AGPAT3: variants seen among roughly 807,000 people sequenced by gnomAD.
AGPAT3 encodes the protein 1-acyl-sn-glycerol-3-phosphate acyltransferase gamma.
Under a neutral mutation model 47.3 loss-of-function variants are expected in AGPAT3, and 5 were observed. That is an observed-to-expected ratio of 0.11 (90% CI 0.06 to 0.22). AGPAT3 has a LOEUF of 0.22. Among genes scored for constraint, AGPAT3 ranks in the 10% least tolerant of loss-of-function variants. AGPAT3 has a pLI of 1.00. For missense variants in AGPAT3, 315 were observed against 493.0 expected (o/e 0.64, Z 3.42); for synonymous variants, 212 against 208.3 (o/e 1.02, Z -0.15).
intron 1 of AGPAT3, among the ~76,000 whole-genome samples, chr21:43,891,537 G>T (rs2086102373): frequency 6.6e-6 from 1 of 151,964 alleles, no homozygotes; most frequent in African/African-American, 2.4e-5. Context: ...AGAGGCTGAG[G>T]AAGGAGAATG....
chr21:43,912,183 G>A (rs1484623343), intron 2 of AGPAT3, among the ~76,000 whole-genome samples: 1 of 152,236 alleles, frequency 6.6e-6, no homozygotes, highest in Non-Finnish European at 1.5e-5. Flanking sequence ...ACGTGGGCCC[G>A]AGCTGGATGG....
rs117033927 is a variant in AGPAT3, at chr21:43,968,122, G to A, written c.348+7G>A. 3,342 of 1,612,728 alleles carry A rather than the reference G, an allele frequency of 2.1e-3. 8 individuals carry two copies. The highest frequency in any genetic ancestry group is 0.013 in the Middle Eastern group (76 of 6,056). On this transcript the variant is annotated splice_region_variant and intron_variant, in intron 4 of 9. Coordinates refer to ENST00000291572, the MANE Select transcript of AGPAT3 (RefSeq NM_020132.5). ...GCGCTTCGGAGTGCTGGGGGTGAGCGGGGACCTGGGGAGGGCCACGGGTGA... is the reference window on the plus strand; with the variant it reads ...GCGCTTCGGAGTGCTGGGGGTGAGCAGGGACCTGGGGAGGGCCACGGGTGA...
intron 7 of AGPAT3, 91 bp downstream of exon 7, chr21:43,971,581 C>G: frequency 8.5e-7 from 1 of 1,172,606 alleles, no homozygotes; most frequent in Non-Finnish European, 1.3e-6. Context: ...GGGTCCAGGC[C>G]CCACGTCCCA....
chr21:43,881,790 G>T (rs982124741), intron 1 of AGPAT3, among the ~76,000 whole-genome samples: 18 of 152,062 alleles, frequency 1.2e-4, no homozygotes, highest in African/African-American at 4.3e-4. Flanking sequence ...TGAGTAGCTG[G>T]GATTACAGGT....
intron 2 of AGPAT3, among the ~76,000 whole-genome samples, chr21:43,931,894 C>T (rs368794660): frequency 3.3e-5 from 5 of 149,452 alleles, no homozygotes; most frequent in South Asian, 2.1e-4. Context: ...GTTTTGTTTC[C>T]GTTCTGCTTT....
At chr21:43,958,278 TGTG>T (rs1249824604) in intron 2 of AGPAT3, among the ~76,000 whole-genome samples, 1 of 151,734 alleles carries the variant, frequency 6.6e-6, no homozygotes, top group East Asian at 1.9e-4. Context: ...TAGTGCTTGT[TGTG>T]TGTGTGAGAC....
At position 43,960,882 on chromosome 21, in the gene AGPAT3, T is replaced by C. The variant is rs574666591; in HGVS notation, c.178+1023T>C. 10 of 558,450 alleles carry C rather than the reference T, an allele frequency of 1.8e-5. No individual in the cohort carries two copies. In the African/African-American group the frequency reaches 2.0e-4, roughly 11 times the overall value. 34.6% of individuals were successfully genotyped at this position (558,450 alleles called of 1,614,324 possible). A position where few individuals can be genotyped will look rare whatever the true frequency, so the allele number is the denominator to read the frequency against. ...GGGGCTGGGCATGGTGGCTCATGCC[T>C]GTAATCCCAGCACTTTGAGAGGCTG... On this transcript the variant is annotated intron_variant, in intron 3 of 9. Transcript: ENST00000291572.
Position 43,978,090 on chromosome 21 carries a change from C to T in AGPAT3, c.812C>T (p.Ala271Val). 6.2e-7 allele frequency: 1 copy of T among 1,613,730 alleles called. No individual in the cohort carries two copies. Among genetic ancestry groups the T allele is most frequent in the Non-Finnish European group, 8.5e-7 (1 of 1,179,934 alleles). ...EDIPLDEKEAAQWLHKLYQEK... is the reference protein window; with the variant it reads ...EDIPLDEKEAVQWLHKLYQEK... ...ATCCCGCTGGATGAAAAGGAAGCAG[C>T]TCAGTGGCTTCATAAACTGTACCAG... The change falls in exon 8 of 10, where the codon GCT becomes GTT. Residue 271 changes from alanine (A) to valine (V), a missense_variant. Coordinates refer to ENST00000291572, the MANE Select transcript of AGPAT3 (RefSeq NM_020132.5).
chr21:43,967,099 C>G (rs1025680342), intron 3 of AGPAT3: 1 of 152,318 alleles, frequency 6.6e-6, no homozygotes, highest in African/African-American at 2.4e-5. Flanking sequence ...ATGCTGCGTT[C>G]CCAGCAGCCC....
At chr21:43,921,402 G>A (rs2086888312) in intron 2 of AGPAT3, among the ~76,000 whole-genome samples, 1 of 152,156 alleles carries the variant, frequency 6.6e-6, no homozygotes, top group African/African-American at 2.4e-5. Flanking sequence ...GGAGGGCACC[G>A]TGGGAACCCC....
intron 1 of AGPAT3, among the ~76,000 whole-genome samples, chr21:43,890,936 C>T (rs1569048394): frequency 6.6e-6 from 1 of 152,020 alleles, no homozygotes; most frequent in Non-Finnish European, 1.5e-5. Context: ...CGGGGTTTTG[C>T]CATGTTGGAC....
chr21:43,919,174 A>T (rs1369500866), intron 2 of AGPAT3, among the ~76,000 whole-genome samples: 1 of 151,558 alleles, frequency 6.6e-6, no homozygotes, highest in African/African-American at 2.4e-5. Flanking sequence ...CTTTTTTTTT[A>T]AACTTCACTA....
intron 1 of AGPAT3, among the ~76,000 whole-genome samples, chr21:43,874,477 T>C (rs1453558097): frequency 1.3e-5 from 2 of 152,276 alleles, no homozygotes; most frequent in African/African-American, 4.8e-5. Context: ...TCCAAAGGCA[T>C]TGAGGATTTT....
At chr21:43,949,126 A>G (rs1268086661) in intron 2 of AGPAT3, among the ~76,000 whole-genome samples, 3 of 152,020 alleles carry the variant, frequency 2.0e-5, no homozygotes, top group Admixed American at 1.3e-4. Flanking sequence ...TAGAATCAGT[A>G]TGTCTAGTTC....
chr21:43,984,789 GTCTT>G lies in AGPAT3; in HGVS notation c.*2399_*2402del, dbSNP rs2030088611. On this transcript the variant is annotated 3_prime_UTR_variant, in exon 10 of 10. Transcript: ENST00000291572. ...AATTAAATTCATAAATCCCAGAACA[GTCTT>G]TTTTTTTTCTTTTTCCTTTACACCC... 1 of 185,632 alleles carries G rather than the reference GTCTT, an allele frequency of 5.4e-6. No homozygotes were observed. The highest frequency in any genetic ancestry group is 2.5e-5 in the African/African-American group (1 of 39,590). 11.5% of individuals were successfully genotyped at this position (185,632 alleles called of 1,614,324 possible).
At chr21:43,890,056 G>C (rs924030669) in intron 1 of AGPAT3, among the ~76,000 whole-genome samples, 1 of 152,130 alleles carries the variant, frequency 6.6e-6, no homozygotes, top group Non-Finnish European at 1.5e-5. Context: ...CTGACATTTT[G>C]GATCTGTGTC....
chr21:43,948,554 G>C (rs2088022496), intron 2 of AGPAT3, among the ~76,000 whole-genome samples: 2 of 152,156 alleles, frequency 1.3e-5, no homozygotes, highest in African/African-American at 4.8e-5. Context: ...TCTGTTACCA[G>C]CAAAGGGGGT....
chr21:43,963,624 T>A (rs1029160096), intron 3 of AGPAT3, among the ~76,000 whole-genome samples: 2 of 150,372 alleles, frequency 1.3e-5, no homozygotes, highest in African/African-American at 4.9e-5. Context: ...AGGGGAATCA[T>A]TTGAACCTGG....
At chr21:43,879,956 A>G (rs530470631) in intron 1 of AGPAT3, among the ~76,000 whole-genome samples, 5 of 152,116 alleles carry the variant, frequency 3.3e-5, no homozygotes, top group African/African-American at 9.6e-5. Context: ...GCCTCTCCCT[A>G]TGCTCCTGGG....
Sources: gnomAD v4.1 joint callset for allele counts (sites outside exome capture counted in the v4.1 genomes callset) on GRCh38, gnomAD v4.1.1 for gene constraint, MANE v1.5 for transcripts, NCBI Gene and HGNC (gene_info 2026-07-23, HGNC 2026-07-21) for gene names.